CDH19: variants seen among roughly 807,000 people sequenced by gnomAD.
CDH19 encodes the protein cadherin-19.
A neutral mutation model predicts 64.2 loss-of-function variants in CDH19; 67 were observed. That is an observed-to-expected ratio of 1.04 (90% confidence interval 0.86 to 1.28). The LOEUF is 1.28. CDH19 is among the 50% of genes most tolerant of loss of function. The pLI, the probability that CDH19 is intolerant of heterozygous loss-of-function variation, is 0.00. For missense variants in CDH19, 1,030 were observed against 929.0 expected, an observed-to-expected ratio of 1.11 and a Z score of -1.41; for synonymous variants, 346 against 319.3, an observed-to-expected ratio of 1.08 and a Z score of -0.89.
At chr18:66,565,449 T>C (rs1330715752) in intron 3 of CDH19, among the ~76,000 whole-genome samples, 2 of 151,856 alleles carry the variant, frequency 1.3e-5, no homozygotes, top group Non-Finnish European at 2.9e-5. Context: ...AACAGAAATA[T>C]ATGTAAGAAA....
chr18:66,545,279 C>T (rs372183036), intron 5 of CDH19, among the ~76,000 whole-genome samples: 1 of 151,898 alleles, frequency 6.6e-6, no homozygotes, highest in African/African-American at 2.4e-5. Context: ...TGCCGGGTCG[C>T]AATTGTAGCA....
Position 66,544,092 on chromosome 18 carries a change from C to G in CDH19, c.1093G>C (p.Asp365His). 1 of 1,613,962 alleles carries G rather than the reference C, an allele frequency of 6.2e-7. No homozygotes were observed. The highest frequency in any genetic ancestry group is 8.5e-7 in the Non-Finnish European group (1 of 1,179,940). ...TFIKIQVEDV[D>H]EPPLFLLPYY... ...GGAAGGAGGAAAAGAGGAGGCTCATCAACATCTTCCACCTGGATCTTAATG... is the reference window on the plus strand; with the variant it reads ...GGAAGGAGGAAAAGAGGAGGCTCATGAACATCTTCCACCTGGATCTTAATG... The change falls in exon 7 of 12, where the codon GAT (aspartate) becomes CAT (histidine). Residue 365 changes from aspartate (D) to histidine (H), a missense_variant. Transcript: ENST00000262150.
At chr18:66,518,422 T>C (rs1985834578) in intron 9 of CDH19, among the ~76,000 whole-genome samples, 3 of 151,974 alleles carry the variant, frequency 2.0e-5, no homozygotes, top group Admixed American at 6.6e-5. Flanking sequence ...TCAGTAGAGA[T>C]GGTGTTTCAC....
At chr18:66,549,573 C>A (rs890725466) in intron 5 of CDH19, among the ~76,000 whole-genome samples, 1 of 152,006 alleles carries the variant, frequency 6.6e-6, no homozygotes, top group African/African-American at 2.4e-5. Context: ...GACTCTGACC[C>A]CTTTGCCTAT....
intron 9 of CDH19, among the ~76,000 whole-genome samples, chr18:66,528,920 A>G (rs368798110): frequency 6.6e-6 from 1 of 152,022 alleles, no homozygotes; most frequent in Non-Finnish European, 1.5e-5. Flanking sequence ...CATGAACTCT[A>G]GACTGTAAAA....
At position 66,551,087 on chromosome 18, in the gene CDH19, T is replaced by A; in HGVS notation, c.775+7A>T. On this transcript the variant is annotated splice_region_variant and intron_variant, in intron 5 of 11. Coordinates refer to ENST00000262150, the MANE Select transcript of CDH19 (RefSeq NM_021153.4). ...TGTAATGAAGATGTAGAATCCTTTT[T>A]ACTTACTTTCTTTAAATATAGGCTT... 1 of 1,469,304 alleles carries A rather than the reference T, an allele frequency of 6.8e-7. No individual in the cohort carries two copies. 91.0% of individuals were successfully genotyped at this position (1,469,304 alleles called of 1,614,324 possible).
chr18:66,543,339 C>T (rs17061901), intron 7 of CDH19, among the ~76,000 whole-genome samples: 28,628 of 151,852 alleles, frequency 0.19, 3,671 homozygotes, highest in East Asian at 0.45. Context: ...AAATAAGCCA[C>T]ATTTTGATCA....
chr18:66,564,664 C>A (rs1368437362), intron 3 of CDH19, among the ~76,000 whole-genome samples: 3 of 151,796 alleles, frequency 2.0e-5, no homozygotes, highest in Non-Finnish European at 2.9e-5. Context: ...TAAACAAAGT[C>A]TATTAACACT....
Position 66,535,010 on chromosome 18 carries a change from G to T in CDH19, c.1312C>A (p.Leu438Ile), listed in dbSNP as rs754053624. 25 of 1,493,264 alleles carry T rather than the reference G, an allele frequency of 1.7e-5. No homozygotes were observed. The highest frequency in any genetic ancestry group is 2.3e-5 in the Non-Finnish European group (25 of 1,103,992). The allele number at this position is 1,493,264 out of a possible 1,614,324, so 92.5% of individuals were successfully genotyped here. A position where few individuals can be genotyped will look rare whatever the true frequency, so the allele number is the denominator to read the frequency against. ...CATTTTTCTGTGGCTGTAATACTTAGGTTGTACCAAGCACTGATTTCACGA... is the reference window on the plus strand; with the variant it reads ...CATTTTTCTGTGGCTGTAATACTTATGTTGTACCAAGCACTGATTTCACGA... The part of the protein sequence containing the change: ...LDREISAWYN[L>I]SITATEKYNI... Residue 438 changes from leucine to isoleucine, a missense_variant, in exon 8 of 12, where the codon CTA becomes ATA. Transcript: ENST00000262150.
At chr18:66,593,619 A>G (rs987162827) in intron 1 of CDH19, among the ~76,000 whole-genome samples, 1 of 152,100 alleles carries the variant, frequency 6.6e-6, no homozygotes. Flanking sequence ...GAACACAAAA[A>G]TATATATATT....
At chr18:66,505,425 T>C (rs1209475070) in intron 11 of CDH19, 123 bp from the exon 12 acceptor site, 3 of 750,758 alleles carry the variant, frequency 4.0e-6, no homozygotes, top group African/African-American at 1.8e-5. Context: ...AACAAAAAGA[T>C]ACATTTGTTA....
intron 9 of CDH19, among the ~76,000 whole-genome samples, chr18:66,526,307 T>G (rs1001054246): frequency 1.3e-5 from 2 of 152,146 alleles, no homozygotes; most frequent in Admixed American, 6.5e-5. Context: ...GCTTTTTCCA[T>G]AAAGCTTTAC....
At chr18:66,533,751 AC>A (rs1408991050) in intron 8 of CDH19, among the ~76,000 whole-genome samples, 2 of 152,070 alleles carry the variant, frequency 1.3e-5, no homozygotes, top group East Asian at 3.9e-4. Flanking sequence ...TTTAAATGGA[AC>A]ATCTCTTTCC....
intron 3 of CDH19, among the ~76,000 whole-genome samples, chr18:66,557,580 T>C (rs559906381): frequency 6.6e-6 from 1 of 151,946 alleles, no homozygotes; most frequent in African/African-American, 2.4e-5. Context: ...GGGGAAATAT[T>C]TGTTATTCTT....
Position 66,585,418 on chromosome 18 carries a change from C to T in CDH19, c.-112-13102G>A, listed in dbSNP as rs547937979. Among the ~76,000 whole-genome samples the T allele has an allele frequency of 1.1e-4, 16 of 152,072 alleles. No individual in the cohort carries two copies. In the South Asian group the frequency reaches 2.5e-3, roughly 24 times the overall value. On this transcript the variant is annotated intron_variant, in intron 1 of 11. Coordinates refer to ENST00000262150, the MANE Select transcript of CDH19 (RefSeq NM_021153.4). ...AGCAAGGATGGCTGAATAACTAACT[C>T]AACACCAACACTTGCTAGTTCCATC...
chr18:66,520,798 C>G (rs1370298780), intron 9 of CDH19, among the ~76,000 whole-genome samples: 1 of 151,904 alleles, frequency 6.6e-6, no homozygotes, highest in Admixed American at 6.6e-5. Context: ...GTCTGATAAC[C>G]TTGATGTTAA....
In CDH19 at chr18:66,585,332, A is replaced by T. The variant is rs186529944; in HGVS notation, c.-112-13016T>A. Among the ~76,000 whole-genome samples, 7 of 152,196 alleles carry T rather than the reference A, an allele frequency of 4.6e-5. No individual in the cohort carries two copies. The East Asian group carries it at 1.2e-3, about 25-fold the overall frequency. On this transcript the variant is annotated intron_variant, in intron 1 of 11. Transcript: ENST00000262150. ...CTACTGACTTTCGGGTTATTTTCCC[A>T]AATAGTTTGAGATGGAATGTTCTAA... is the stretch of plus-strand genomic sequence containing the variant.
rs531669090 is a variant in CDH19 at position 66,563,314 on chromosome 18, T to C, written c.490+5102A>G. On this transcript the variant is annotated intron_variant, in intron 3 of 11. Transcript: ENST00000262150. ...ACATTTACTTTAGAATGTTATATTT[T>C]ATTCATTTTGAATTCAATAGTAAGG... Among the ~76,000 whole-genome samples the C allele has an allele frequency of 5.9e-5, 9 of 152,204 alleles. No individual in the cohort carries two copies. The East Asian group carries it at 1.7e-3, about 29-fold the overall frequency.
At chr18:66,575,886 A>G (rs1471243038) in intron 1 of CDH19, among the ~76,000 whole-genome samples, 1 of 151,870 alleles carries the variant, frequency 6.6e-6, no homozygotes, top group Non-Finnish European at 1.5e-5. Flanking sequence ...TGGAGCATAC[A>G]TCATTTACAG....
Sources: allele counts gnomAD v4.1 joint callset (sites outside exome capture counted in the v4.1 genomes callset), GRCh38; gene constraint gnomAD v4.1.1; transcripts MANE v1.5; gene names NCBI Gene and HGNC (gene_info 2026-07-23, HGNC 2026-07-21).